The following NUP133 variants were observed in gnomAD, a reference collection of about 807,000 sequenced individuals.
The protein encoded by NUP133 is nucleoporin 133, also known as nuclear pore complex protein Nup133.
NUP133 carries 66 observed loss-of-function variants against 146.2 expected under a neutral mutation model. The ratio of observed to expected loss-of-function variants is 0.45; its 90% CI spans 0.37 to 0.55. NUP133 has a LOEUF of 0.55. Among genes scored for constraint, NUP133 ranks in the 20% least tolerant of loss-of-function variants. The probability of loss-of-function intolerance (pLI) is 0.00; values close to 1 mark genes in which losing one functional copy is unlikely to be tolerated. For synonymous variants in NUP133, 521 were observed against 498.8 expected (o/e 1.04, Z -0.59); for missense variants, 1,277 against 1,374.8 (o/e 0.93, Z 1.12).
At position 229,449,874 on chromosome 1, in the gene NUP133, T is replaced by TATATATATA. The variant is rs1491123491; in HGVS notation, c.3180+650_3180+651insTATATATAT. 4.5e-3 allele frequency among the ~76,000 whole-genome samples: 350 copies of TATATATATA among 77,804 alleles called. 1 individual carries two copies. The highest frequency in any genetic ancestry group is 6.7e-3 in the African/African-American group (124 of 18,620). 51.0% of individuals were successfully genotyped at this position (77,804 alleles called of 152,430 possible). A position where few individuals can be genotyped will look rare whatever the true frequency, so the allele number is the denominator to read the frequency against. On this transcript the variant is annotated intron_variant, in intron 23 of 25. Coordinates refer to ENST00000261396, the MANE Select transcript of NUP133 (RefSeq NM_018230.3). ...TTTTATATATATATATATATATATA[T>TATATATATA]TTTTTTTTTTTTTTTTTTTTTTTTT... is the stretch of plus-strand genomic sequence containing the variant.
intron 12 of NUP133, among the ~76,000 whole-genome samples, chr1:229,479,304 G>A (rs1571925957): frequency 6.6e-6 from 1 of 152,144 alleles, no homozygotes; most frequent in South Asian, 2.1e-4. Flanking sequence ...TTTTTGATCC[G>A]CATTTGGTTG....
chr1:229,477,411 G>C (rs1361880759), intron 13 of NUP133, among the ~76,000 whole-genome samples, 186 bp downstream of exon 13: 3 of 146,902 alleles, frequency 2.0e-5, no homozygotes, highest in African/African-American at 7.6e-5. Flanking sequence ...CTGCACTCCA[G>C]CCTGGGTGAC....
intron 15 of NUP133, among the ~76,000 whole-genome samples, chr1:229,470,210 C>A (rs968992101): frequency 6.7e-6 from 1 of 149,548 alleles, no homozygotes; most frequent in Non-Finnish European, 1.5e-5. Flanking sequence ...TGGTGGCTAG[C>A]ACCTGTAATC....
intron 14 of NUP133, among the ~76,000 whole-genome samples, chr1:229,472,318 CA>C (rs67522726): frequency 0.33 from 27,245 of 83,552 alleles, 2,629 homozygotes; most frequent in African/African-American, 0.41. Context: ...GACTCCGTCT[CA>C]AAAAAAAAAA....
chr1:229,472,724 A>ATG, intron 14 of NUP133, among the ~76,000 whole-genome samples: 1 of 147,688 alleles, frequency 6.8e-6, no homozygotes, highest in African/African-American at 2.5e-5. Context: ...ATATATATAT[A>ATG]TATGTACAAT....
Position 229,506,150 on chromosome 1 carries a change from G to T in NUP133, c.191C>A (p.Pro64Gln). ...RRSSLSSRGT[P>Q]TRMFPHHSIT... Reference sequence around the variant, plus strand: ...GGAGTGGTGTGGGAACATTCGTGTTGGTGTTCCCCTAAAGAAAAGAGTCTA... The same window carrying T: ...GGAGTGGTGTGGGAACATTCGTGTTTGTGTTCCCCTAAAGAAAAGAGTCTA... Residue 64 changes from proline to glutamine, a missense_variant, in exon 2 of 26, where the codon CCA becomes CAA. Coordinates refer to ENST00000261396, the MANE Select transcript of NUP133 (RefSeq NM_018230.3). The T allele has an allele frequency of 6.3e-7, 1 of 1,594,614 alleles. No homozygotes were observed. Among genetic ancestry groups the T allele is most frequent in the Non-Finnish European group, 8.6e-7 (1 of 1,164,334 alleles).
intron 21 of NUP133, among the ~76,000 whole-genome samples, chr1:229,455,144 G>A (rs1013960389): frequency 5.9e-5 from 9 of 152,288 alleles, no homozygotes; most frequent in Admixed American, 3.3e-4. Flanking sequence ...AATGACAGCA[G>A]TATAATTTAA....
Position 229,484,058 on chromosome 1 carries a change from A to T in NUP133, c.1588T>A (p.Cys530Ser). ...KLLKAAFLQY[C>S]RKDLGHAQMV... is the part of the protein sequence containing the mutation. The stretch of plus-strand genomic sequence containing the variant: ...AATTTAAAAAACATGTTATACCTGC[A>T]GTATTGCAGAAAGGCAGCTTTCAGC... Residue 530 changes from cysteine (C) to serine (S), a missense_variant, in exon 12 of 26, where the codon TGC (cysteine) becomes AGC (serine). Cys to Ser is a moderately radical substitution (Grantham distance 112). Coordinates refer to ENST00000261396, the MANE Select transcript of NUP133 (RefSeq NM_018230.3). The T allele has an allele frequency of 1.3e-6, 2 of 1,599,842 alleles. No individual in the cohort carries two copies. The highest frequency in any genetic ancestry group is 1.7e-6 in the Non-Finnish European group (2 of 1,167,502).
intron 8 of NUP133, among the ~76,000 whole-genome samples, chr1:229,494,528 A>G (rs1661604982): frequency 6.6e-6 from 1 of 152,216 alleles, no homozygotes; most frequent in East Asian, 1.9e-4. Context: ...AAGGATTACT[A>G]GTTATATATT....
At chr1:229,498,079 C>T in intron 6 of NUP133, 57 bp downstream of exon 6, 1 of 1,294,188 alleles carries the variant, frequency 7.7e-7, no homozygotes, top group Non-Finnish European at 1.1e-6. Context: ...AGGATACTTT[C>T]AACTTATTGA....
intron 6 of NUP133, among the ~76,000 whole-genome samples, chr1:229,497,030 G>A (rs1661672804): frequency 6.6e-6 from 1 of 152,184 alleles, no homozygotes; most frequent in Non-Finnish European, 1.5e-5. Flanking sequence ...TAATCATGAA[G>A]TATAGATATT....
chr1:229,505,564 TAAAAAAAAA>T (rs56383157), intron 2 of NUP133, among the ~76,000 whole-genome samples: 16 of 63,244 alleles, frequency 2.5e-4, no homozygotes, highest in South Asian at 5.8e-4. Flanking sequence ...CAATTACAGT[TAAAAAAAAA>T]AAAAAAAAAA....
At chr1:229,501,717 T>C (rs1661805174) in intron 3 of NUP133, among the ~76,000 whole-genome samples, 1 of 152,222 alleles carries the variant, frequency 6.6e-6, no homozygotes, top group South Asian at 2.1e-4. Flanking sequence ...GTCTGATACT[T>C]CATTAGGCAG....
At chr1:229,499,550 C>T in intron 5 of NUP133, 134 bp downstream of exon 5, 3 of 916,824 alleles carry the variant, frequency 3.3e-6, no homozygotes, top group African/African-American at 1.7e-5. Context: ...GGAGTTATTG[C>T]TTGAGCCCAG....
intron 4 of NUP133, 74 bp from the exon 5 acceptor site, chr1:229,499,892 A>G: frequency 1.3e-6 from 2 of 1,499,624 alleles, no homozygotes; most frequent in African/African-American, 1.4e-5. Flanking sequence ...GATGGCAATG[A>G]TACAAAGAAA....
Position 229,441,767 on chromosome 1 carries a change from G to A in NUP133, c.*137C>T. On this transcript the variant is annotated 3_prime_UTR_variant, in exon 26 of 26. Coordinates refer to ENST00000261396, the MANE Select transcript of NUP133 (RefSeq NM_018230.3). The stretch of plus-strand genomic sequence containing the variant: ...ACAGTTACATAACTATTTTATATTA[G>A]CTTCCTACATATAAAGTATAAAAAC... 1 of 692,522 alleles carries A rather than the reference G, an allele frequency of 1.4e-6. No individual in the cohort carries two copies. The highest frequency in any genetic ancestry group is 2.3e-6 in the Non-Finnish European group (1 of 429,872). 42.9% of individuals were successfully genotyped at this position (692,522 alleles called of 1,614,324 possible).
Position 229,500,824 on chromosome 1 carries a change from A to G in NUP133, c.445T>C (p.Phe149Leu), listed in dbSNP as rs1169480064. 2 of 1,613,110 alleles carry G rather than the reference A, an allele frequency of 1.2e-6. No individual in the cohort carries two copies. Among genetic ancestry groups the G allele is most frequent in the African/African-American group, 2.7e-5 (2 of 74,936 alleles). Residue 149 changes from phenylalanine (F) to leucine (L), a missense_variant, in exon 4 of 26, where the codon TTC becomes CTC. Transcript: ENST00000261396. ...GCCACTAAGTCGGCACTCCAGTGGAAATCACTAGGTGGCAGCTGAAGTTCT... is the reference window on the plus strand; with the variant it reads ...GCCACTAAGTCGGCACTCCAGTGGAGATCACTAGGTGGCAGCTGAAGTTCT... Reference protein sequence around the residue: ...CKELQLPPSDFHWSADLVALS... With the variant: ...CKELQLPPSDLHWSADLVALS...
intron 2 of NUP133, among the ~76,000 whole-genome samples, chr1:229,504,609 T>A (rs748863408): frequency 6.6e-6 from 1 of 152,194 alleles, no homozygotes; most frequent in Non-Finnish European, 1.5e-5. Context: ...GATCCAGAAA[T>A]GGAGGTAGGA....
chr1:229,502,025 T>C lies in NUP133; in HGVS notation c.379A>G (p.Lys127Glu), dbSNP rs762581471. The change falls in exon 3 of 26, where the codon AAG becomes GAG. Residue 127 changes from lysine to glutamate, a missense_variant. Transcript: ENST00000261396. ...LVCKEKLIIW[K>E]IALSPITKLS... ...TTAGTAATAGGTGACAGAGCAATCT[T>C]CCAAATAATGAGCTTCTCTTTGCAC... The C allele has an allele frequency of 2.5e-6, 4 of 1,613,598 alleles. No individual in the cohort carries two copies. In the South Asian group the frequency reaches 3.3e-5, roughly 13 times the overall value.
Sources: allele counts gnomAD v4.1 joint callset (sites outside exome capture counted in the v4.1 genomes callset), GRCh38; gene constraint gnomAD v4.1.1; transcripts MANE v1.5; gene names NCBI Gene and HGNC (gene_info 2026-07-23, HGNC 2026-07-21).